The following CIMIP4 variants were observed in gnomAD, a reference collection of about 807,000 sequenced individuals.
The protein encoded by CIMIP4 is protein EAN57.
At chr22:37,004,663 G>T in the CIMIP4 span, among the ~76,000 whole-genome samples, 45 of 151,450 alleles carry the variant, frequency 3.0e-4, no homozygotes, top group East Asian at 8.8e-3. Flanking sequence ...CAGCTTTCGT[G>T]CTTGTGTTTT....
At chr22:37,002,201 T>G in the CIMIP4 span, 129 of 1,480,658 alleles carry the variant, frequency 8.7e-5, no homozygotes, top group African/African-American at 1.5e-3. Flanking sequence ...ACCCTGGTTC[T>G]TGAACTTGGA....
At chr22:37,000,895 T>C in the CIMIP4 span, among the ~76,000 whole-genome samples, 1 of 152,200 alleles carries the variant, frequency 6.6e-6, no homozygotes, top group East Asian at 1.9e-4. Flanking sequence ...GTCACTGCAC[T>C]TTAAGATGAC....
At chr22:37,002,041 A>G in the CIMIP4 span, 1 of 1,610,930 alleles carries the variant, frequency 6.2e-7, no homozygotes, top group Non-Finnish European at 8.5e-7. Context: ...GAGAGCCCGC[A>G]TTCTTCAGGG....
the CIMIP4 span, chr22:37,002,438 G>T: frequency 1.8e-6 from 1 of 560,418 alleles, no homozygotes; most frequent in South Asian, 5.2e-5. Flanking sequence ...GAGCTCCACA[G>T]CCAGAGAAGG....
chr22:37,000,094 C>T, the CIMIP4 span: 1 of 1,377,140 alleles, frequency 7.3e-7, no homozygotes, highest in Non-Finnish European at 9.7e-7. Flanking sequence ...CCCGATCCCA[C>T]CTGTAGCCTG....
chr22:37,006,869 A>G, the CIMIP4 span, among the ~76,000 whole-genome samples: 66,989 of 151,956 alleles, frequency 0.44, 14,895 homozygotes, highest in East Asian at 0.53. Flanking sequence ...AAGAGACTAC[A>G]ACTTCTGTCT....
At chr22:37,001,768 C>T in the CIMIP4 span, 2 of 1,420,178 alleles carry the variant, frequency 1.4e-6, no homozygotes, top group Non-Finnish European at 1.9e-6. Context: ...ACTCTGTACT[C>T]AAGAGTGAGT....
chr22:37,002,087 C>A, the CIMIP4 span: 1 of 1,595,612 alleles, frequency 6.3e-7, no homozygotes, highest in Non-Finnish European at 8.5e-7. Context: ...AGAATCCCTG[C>A]TGGCAGCAGT....
chr22:36,995,634 C>G, the CIMIP4 span, among the ~76,000 whole-genome samples: 2 of 152,148 alleles, frequency 1.3e-5, no homozygotes, highest in South Asian at 4.1e-4. Context: ...AGACCCAGAG[C>G]CAGCTCCATT....
the CIMIP4 span, chr22:36,999,918 G>C: frequency 3.1e-6 from 5 of 1,613,900 alleles, no homozygotes; most frequent in Non-Finnish European, 3.4e-6. Context: ...ACAGGATTCT[G>C]GGTCCTGCTG....
At chr22:36,997,138 C>A in the CIMIP4 span, among the ~76,000 whole-genome samples, 1 of 152,156 alleles carries the variant, frequency 6.6e-6, no homozygotes, top group Admixed American at 6.5e-5. Flanking sequence ...TTACTACTTT[C>A]TTAAATGGCT....
the CIMIP4 span, among the ~76,000 whole-genome samples, chr22:36,995,439 C>T: frequency 2.6e-5 from 4 of 152,306 alleles, no homozygotes; most frequent in South Asian, 2.1e-4. Context: ...GCTGGAGCCA[C>T]GGTGAGTTGG....
chr22:36,999,629 G>T, the CIMIP4 span, among the ~76,000 whole-genome samples: 2 of 144,108 alleles, frequency 1.4e-5, no homozygotes, highest in African/African-American at 5.2e-5. Flanking sequence ...TGCCAACTGG[G>T]ATGAATCATC....
the CIMIP4 span, among the ~76,000 whole-genome samples, chr22:37,007,206 G>A: frequency 1.3e-5 from 2 of 152,310 alleles, no homozygotes; most frequent in African/African-American, 4.8e-5. Flanking sequence ...AAGTTTTGGG[G>A]TGATTTGTTG....
chr22:36,996,732 C>T, the CIMIP4 span, among the ~76,000 whole-genome samples: 1 of 152,118 alleles, frequency 6.6e-6, no homozygotes, highest in Non-Finnish European at 1.5e-5. Flanking sequence ...AAGACATTAA[C>T]TGGTGATGGT....
At chr22:36,992,534 C>T in the CIMIP4 span, among the ~76,000 whole-genome samples, 1 of 151,980 alleles carries the variant, frequency 6.6e-6, no homozygotes, top group South Asian at 2.1e-4. Context: ...CAATAAGATG[C>T]CTGGGACTTG....
chr22:37,002,454 G>A, the CIMIP4 span, among the ~76,000 whole-genome samples: 3 of 152,122 alleles, frequency 2.0e-5, no homozygotes, highest in African/African-American at 7.2e-5. Flanking sequence ...GAAGGGGAGA[G>A]GGACGGAGAG....
At chr22:36,991,431 G>C in the CIMIP4 span, 1 of 1,588,878 alleles carries the variant, frequency 6.3e-7, no homozygotes, top group East Asian at 2.2e-5. Flanking sequence ...AACACACCCT[G>C]CTGGTGGAGG....
the CIMIP4 span, among the ~76,000 whole-genome samples, chr22:37,006,839 T>A: frequency 6.6e-6 from 1 of 152,202 alleles, no homozygotes; most frequent in Non-Finnish European, 1.5e-5. Flanking sequence ...TGAGGGATGT[T>A]GCATCCATGA....
Sources: gnomAD v4.1 joint callset for allele counts (sites outside exome capture counted in the v4.1 genomes callset) on GRCh38, gnomAD v4.1.1 for gene constraint, MANE v1.5 for transcripts, NCBI Gene and HGNC (gene_info 2026-07-23, HGNC 2026-07-21) for gene names.